Variants in FAM184A observed in about 807,000 individuals in gnomAD.
FAM184A encodes the protein family with sequence similarity 184 member A.
In FAM184A, 99 loss-of-function variants were observed where a neutral mutation model predicts 143.8. The ratio of observed to expected loss-of-function variants is 0.69; its 90% CI spans 0.58 to 0.81. The LOEUF (loss-of-function observed/expected upper bound fraction) is 0.81, where lower values mean the gene tolerates loss of function less well. FAM184A is among the 40% of genes least tolerant of loss of function. The pLI, the probability that FAM184A is intolerant of heterozygous loss-of-function variation, is 0.00. For missense variants in FAM184A, 1,217 were observed against 1,310.5 expected, an observed-to-expected ratio of 0.93 and a Z score of 1.10; for synonymous variants, 427 against 446.4, an observed-to-expected ratio of 0.96 and a Z score of 0.55.
chr6:119,101,936 A>G (rs1016691484), intron 1 of FAM184A, among the ~76,000 whole-genome samples: 3 of 152,098 alleles, frequency 2.0e-5, no homozygotes, highest in African/African-American at 7.2e-5. Context: ...TGTGCCTGTA[A>G]TCCCAGCTAC....
At chr6:119,114,271 C>A (rs1413331204) in intron 1 of FAM184A, among the ~76,000 whole-genome samples, 1 of 152,144 alleles carries the variant, frequency 6.6e-6, no homozygotes, top group Non-Finnish European at 1.5e-5. Flanking sequence ...ATACAGAATG[C>A]CCAGTTAAAT....
At chr6:119,053,698 C>A (rs1471494639) in intron 1 of FAM184A, among the ~76,000 whole-genome samples, 1 of 152,116 alleles carries the variant, frequency 6.6e-6, no homozygotes, top group South Asian at 2.1e-4. Flanking sequence ...ACCCACACAC[C>A]CACAAAGGGA....
At chr6:119,125,009 G>C (rs1405855024) in intron 1 of FAM184A, among the ~76,000 whole-genome samples, 1 of 152,144 alleles carries the variant, frequency 6.6e-6, no homozygotes, top group East Asian at 1.9e-4. Flanking sequence ...TTGTAATTAA[G>C]CTAATTTTTA....
chr6:118,993,664 C>A (rs1320703635), intron 9 of FAM184A, among the ~76,000 whole-genome samples: 1 of 152,172 alleles, frequency 6.6e-6, no homozygotes, highest in African/African-American at 2.4e-5. Flanking sequence ...TAAATTAATT[C>A]TCTCCTAATA....
intron 1 of FAM184A, among the ~76,000 whole-genome samples, chr6:119,124,775 TA>T (rs1789312857): frequency 6.6e-6 from 1 of 151,862 alleles, no homozygotes; most frequent in South Asian, 2.1e-4. Flanking sequence ...TTTATATCTT[TA>T]AAGTACTTTT....
Position 119,000,862 on chromosome 6 carries a change from G to A in FAM184A, c.2088+2037C>T, listed in dbSNP as rs866098894. ...ATGTGCTGAATGCTGCTGGCCTTGC[G>A]GGGCTAAAGGAAATGAGTGAGACCA... On this transcript the variant is annotated intron_variant, in intron 9 of 17. Coordinates refer to ENST00000338891, the MANE Select transcript of FAM184A (RefSeq NM_024581.6). 7.2e-5 allele frequency among the ~76,000 whole-genome samples: 11 copies of A among 151,858 alleles called. No individual in the cohort carries two copies. The South Asian group carries it at 1.7e-3, about 23-fold the overall frequency.
chr6:119,078,452 GACCCC>G lies in FAM184A; in HGVS notation c.-158_-154del. 1.4e-6 allele frequency: 1 copy of G among 735,760 alleles called. No individual in the cohort carries two copies. Among genetic ancestry groups the G allele is most frequent in the Non-Finnish European group, 2.0e-6 (1 of 501,576 alleles). The allele number at this position is 735,760 out of a possible 1,614,324, so 45.6% of individuals were successfully genotyped here. On this transcript the variant is annotated 5_prime_UTR_variant, in exon 1 of 18. Coordinates refer to ENST00000338891, the MANE Select transcript of FAM184A (RefSeq NM_024581.6). The surrounding 1 kb of genome is among the most constrained non-coding windows in gnomAD (Gnocchi z 5.5). ...CGGCCGCAGGCGCCGTCCCACCCGC[GACCCC>G]CGGGTCACCCCTGGAAGGGACGGGG... is the stretch of plus-strand genomic sequence containing the variant.
At chr6:119,006,083 G>A (rs774121856) in intron 7 of FAM184A, 3 of 765,070 alleles carry the variant, frequency 3.9e-6, no homozygotes, top group South Asian at 1.3e-5. Context: ...ATGAGCCCTT[G>A]TTCCAATATG....
In FAM184A at chr6:118,980,161, C is replaced by T. The variant is rs1783978409; in HGVS notation, c.2278G>A (p.Glu760Lys). The T allele has an allele frequency of 6.2e-7, 1 of 1,613,344 alleles. No homozygotes were observed. The highest frequency in any genetic ancestry group is 8.5e-7 in the Non-Finnish European group (1 of 1,179,232). Residue 760 changes from glutamate to lysine, a missense_variant, in exon 10 of 18, where the codon GAG becomes AAG. Physicochemically the swap from Glu to Lys is moderately conservative, Grantham distance 56. Coordinates refer to ENST00000338891, the MANE Select transcript of FAM184A (RefSeq NM_024581.6). The stretch of plus-strand genomic sequence containing the variant: ...ACTCTTTGCTCCTTTTCCTTTTCCT[C>T]TTCCATAGTTTGAAATGCAAGGACA... ...AHVLAFQTME[E>K]EKEKEQRALE... is the part of the protein sequence containing the mutation.
At chr6:119,148,389 C>A (rs980055431) in intron 1 of FAM184A, among the ~76,000 whole-genome samples, 4 of 152,208 alleles carry the variant, frequency 2.6e-5, no homozygotes, top group Admixed American at 2.0e-4. Flanking sequence ...TAGCCACATT[C>A]TTCTCAGTGA....
chr6:118,985,552 A>G (rs1354295732), intron 9 of FAM184A, among the ~76,000 whole-genome samples: 2 of 152,136 alleles, frequency 1.3e-5, no homozygotes, highest in Middle Eastern at 3.2e-3. Flanking sequence ...GATATGACCC[A>G]TTCCTTTTAA....
In FAM184A at chr6:118,960,679, T is replaced by C. The variant is rs953724901; in HGVS notation, c.3342-495A>G. The C allele has an allele frequency of 1.4e-5, 7 of 518,458 alleles. No individual in the cohort carries two copies. In the Admixed American group the frequency reaches 1.8e-4, roughly 13 times the overall value. 32.1% of individuals were successfully genotyped at this position (518,458 alleles called of 1,614,324 possible). ...AAGGGAGAACACTAAAAATATAATT[T>C]CCCCCGTTATTGATGTTATATAGTT... On this transcript the variant is annotated intron_variant, in intron 17 of 17. Coordinates refer to ENST00000338891, the MANE Select transcript of FAM184A (RefSeq NM_024581.6).
At chr6:119,087,568 C>CA (rs1172126400) in intron 1 of FAM184A, among the ~76,000 whole-genome samples, 3 of 151,986 alleles carry the variant, frequency 2.0e-5, no homozygotes, top group Non-Finnish European at 2.9e-5. Flanking sequence ...TGGCTGCTAT[C>CA]AAAAAAACAA....
At chr6:119,074,541 G>A (rs1787803318) in intron 1 of FAM184A, among the ~76,000 whole-genome samples, 1 of 151,898 alleles carries the variant, frequency 6.6e-6, no homozygotes, top group Non-Finnish European at 1.5e-5. Flanking sequence ...GAAAGAGGAT[G>A]AACCAGTCTC....
At chr6:119,060,024 G>A (rs1486600263) in intron 1 of FAM184A, among the ~76,000 whole-genome samples, 1 of 152,120 alleles carries the variant, frequency 6.6e-6, no homozygotes, top group Non-Finnish European at 1.5e-5. Flanking sequence ...CAGTGTATAT[G>A]ACTCTTTGTA....
chr6:119,078,876 C>T (rs1787981191), upstream of FAM184A: 1 of 153,294 alleles, frequency 6.5e-6, no homozygotes, highest in South Asian at 1.8e-4. This position sits in a 1 kb window ranked among gnomAD's most constrained non-coding sequence, Gnocchi z 5.5. Flanking sequence ...GATCCGGGAT[C>T]GTGCCGCCAG....
At chr6:119,108,352 C>A (rs1310956218) in intron 1 of FAM184A, among the ~76,000 whole-genome samples, 1 of 152,108 alleles carries the variant, frequency 6.6e-6, no homozygotes, top group African/African-American at 2.4e-5. Context: ...GAACTCGAGT[C>A]TCTTCTCTCT....
chr6:119,024,637 T>C lies in FAM184A; in HGVS notation c.336A>G (p.Glu112=), dbSNP rs547514363. 8.1e-6 allele frequency: 13 copies of C among 1,614,134 alleles called. No individual in the cohort carries two copies. The highest frequency in any genetic ancestry group is 5.0e-5 in the Admixed American group (3 of 60,020). Residue 112 remains glutamate, a synonymous_variant, in exon 2 of 18, where the codon GAA becomes GAG. Transcript: ENST00000338891. The part of the protein sequence containing the change: ...LDLRRKIQVL[E]SSLEDHIKMK... Reference sequence around the variant, plus strand: ...TTTTTATGTGATCTTCTAATGATGATTCTAAAACTTGAATCTTTCTTCTAA... The same window carrying C: ...TTTTTATGTGATCTTCTAATGATGACTCTAAAACTTGAATCTTTCTTCTAA...
intron 1 of FAM184A, among the ~76,000 whole-genome samples, chr6:119,044,420 G>A (rs372338758): frequency 5.9e-5 from 9 of 152,068 alleles, no homozygotes; most frequent in African/African-American, 2.2e-4. Flanking sequence ...CTGTCTCTAC[G>A]AAAAATTTAA....
Sources: gnomAD v4.1 joint callset for allele counts (sites outside exome capture counted in the v4.1 genomes callset) on GRCh38, gnomAD v4.1.1 for gene constraint, Gnocchi (gnomAD v3.1) non-coding constraint, MANE v1.5 for transcripts, NCBI Gene and HGNC (gene_info 2026-07-23, HGNC 2026-07-21) for gene names.